ZBTB7C: variants seen among roughly 807,000 people sequenced by gnomAD.
The protein encoded by ZBTB7C is zinc finger and BTB domain-containing protein 7C.
A neutral mutation model predicts 25.7 loss-of-function variants in ZBTB7C; 8 were observed. The observed-to-expected ratio is 0.31, with a 90% CI of 0.18 to 0.56. The LOEUF (loss-of-function observed/expected upper bound fraction) is 0.56, where lower values mean the gene tolerates loss of function less well. ZBTB7C is among the 20% of genes least tolerant of loss of function. The probability of loss-of-function intolerance (pLI) is 0.91; values close to 1 mark genes in which losing one functional copy is unlikely to be tolerated. For missense variants in ZBTB7C, 824 were observed against 855.2 expected (o/e 0.96, Z 0.46); for synonymous variants, 394 against 369.0 (o/e 1.07, Z -0.78).
chr18:48,386,958 C>G (rs2047762580), intron 1 of ZBTB7C, among the ~76,000 whole-genome samples: 1 of 152,224 alleles, frequency 6.6e-6, no homozygotes, highest in Non-Finnish European at 1.5e-5. Context: ...TTTCTCACTC[C>G]ACGGTGCTAT....
intron 2 of ZBTB7C, among the ~76,000 whole-genome samples, chr18:48,327,106 C>A (rs546520712): frequency 6.6e-6 from 1 of 152,102 alleles, no homozygotes; most frequent in South Asian, 2.1e-4. Flanking sequence ...AGAGAAAGCC[C>A]GGTCTGCTGG....
Position 48,303,111 on chromosome 18 carries a change from C to G in ZBTB7C, c.-79+35063G>C, listed in dbSNP as rs574572686. Among the ~76,000 whole-genome samples, 4 of 152,342 alleles carry G rather than the reference C, an allele frequency of 2.6e-5. No homozygotes were observed. The South Asian group carries it at 8.3e-4, about 32-fold the overall frequency. On this transcript the variant is annotated intron_variant, in intron 2 of 4. Coordinates refer to ENST00000590800, the MANE Select transcript of ZBTB7C (RefSeq NM_001318841.2). Reference sequence around the variant, plus strand: ...ATGCAAGAAGACCAATTTGCACCTTCTGTGGAGGACACAGCTTGGAATTTC... The same window carrying G: ...ATGCAAGAAGACCAATTTGCACCTTGTGTGGAGGACACAGCTTGGAATTTC...
chr18:48,272,734 C>G (rs929593791), intron 2 of ZBTB7C, among the ~76,000 whole-genome samples: 3 of 151,970 alleles, frequency 2.0e-5, no homozygotes, highest in Admixed American at 2.0e-4. Flanking sequence ...TGATAATAAT[C>G]AAAAAGTGGA....
chr18:48,096,011 T>C (rs2038618180), intron 3 of ZBTB7C, among the ~76,000 whole-genome samples: 2 of 152,196 alleles, frequency 1.3e-5, no homozygotes, highest in Non-Finnish European at 2.9e-5. Flanking sequence ...AAAGCTGCCC[T>C]TTCTCCTGGA....
intron 1 of ZBTB7C, among the ~76,000 whole-genome samples, chr18:48,370,833 T>C (rs903157532): frequency 1.4e-4 from 21 of 152,214 alleles, no homozygotes; most frequent in Non-Finnish European, 2.9e-4. Flanking sequence ...CCTCATCCAG[T>C]CTCCTGTAAG....
intron 3 of ZBTB7C, among the ~76,000 whole-genome samples, chr18:48,090,730 G>T (rs2038380710): frequency 6.7e-6 from 1 of 148,388 alleles, no homozygotes; most frequent in African/African-American, 2.6e-5. Context: ...ATGGGATCCT[G>T]CTCCCCACTG....
chr18:48,406,205 G>A (rs2048277905), intron 1 of ZBTB7C, among the ~76,000 whole-genome samples: 1 of 152,102 alleles, frequency 6.6e-6, no homozygotes. Flanking sequence ...GCTATGAGAG[G>A]GAGGACAACT....
intron 3 of ZBTB7C, among the ~76,000 whole-genome samples, chr18:48,121,113 C>A (rs2039614559): frequency 6.6e-6 from 1 of 152,240 alleles, no homozygotes; most frequent in Non-Finnish European, 1.5e-5. Flanking sequence ...GAGCACTGTT[C>A]TTCCCAGGCT....
chr18:48,317,214 G>A (rs994119568), intron 2 of ZBTB7C, among the ~76,000 whole-genome samples: 42 of 140,770 alleles, frequency 3.0e-4, no homozygotes, highest in African/African-American at 1.0e-3. Context: ...CTGAGATTGC[G>A]CCACTGCAAT....
At chr18:48,388,311 T>C (rs546888538) in intron 1 of ZBTB7C, among the ~76,000 whole-genome samples, 1 of 151,116 alleles carries the variant, frequency 6.6e-6, no homozygotes, top group South Asian at 2.1e-4. Context: ...CGAATCTATC[T>C]TGCATTTTTT....
intron 1 of ZBTB7C, among the ~76,000 whole-genome samples, chr18:48,350,379 G>A (rs765226807): frequency 1.3e-5 from 2 of 152,180 alleles, no homozygotes; most frequent in Non-Finnish European, 2.9e-5. Context: ...TTCTTCCGTA[G>A]TTACGTCTCC....
intron 3 of ZBTB7C, among the ~76,000 whole-genome samples, chr18:48,077,588 A>G (rs2037820453): frequency 6.6e-6 from 1 of 152,218 alleles, no homozygotes; most frequent in South Asian, 2.1e-4. Context: ...GTGAAGTGAC[A>G]AAGTACAGTC....
chr18:48,088,519 G>A (rs140719935), intron 3 of ZBTB7C, among the ~76,000 whole-genome samples: 106 of 152,302 alleles, frequency 7.0e-4, no homozygotes, highest in Non-Finnish European at 1.3e-3. Context: ...CATTTTGGCT[G>A]GTTGGATACA....
rs2145143402 is a variant in ZBTB7C at position 48,188,118 on chromosome 18, G to A, written c.-78-2123C>T. 1.3e-5 allele frequency among the ~76,000 whole-genome samples: 2 copies of A among 152,332 alleles called. 1 individual carries two copies. The highest frequency in any genetic ancestry group is 4.1e-4 in the South Asian group (2 of 4,830). On this transcript the variant is annotated intron_variant, in intron 2 of 4. Transcript: ENST00000590800. ...TTCATTTTGGAAGTCAGAGTGGCCT[G>A]TGTCATTCACAAGCTTGGACAGGGA...
At chr18:48,187,439 T>A (rs199690671) in intron 2 of ZBTB7C, among the ~76,000 whole-genome samples, 33 of 152,114 alleles carry the variant, frequency 2.2e-4, no homozygotes, top group African/African-American at 8.0e-4. Context: ...TTATGCTAAG[T>A]GAAATAAGCC....
intron 3 of ZBTB7C, among the ~76,000 whole-genome samples, chr18:48,094,225 A>C (rs1028584212): frequency 4.6e-5 from 7 of 152,160 alleles, no homozygotes; most frequent in Non-Finnish European, 1.0e-4. Flanking sequence ...CTGGATAATG[A>C]TATCATCTGG....
chr18:48,392,695 GTGTCCTTACTAAGATTGC>G (rs927065825), intron 1 of ZBTB7C, among the ~76,000 whole-genome samples: 3 of 152,216 alleles, frequency 2.0e-5, no homozygotes, highest in African/African-American at 7.2e-5. Context: ...GGAAAGCACA[GTGTCCTTACTAAGATTGC>G]TCTGGGCAGC....
At chr18:48,250,823 T>C (rs1253029594) in intron 2 of ZBTB7C, among the ~76,000 whole-genome samples, 1 of 151,834 alleles carries the variant, frequency 6.6e-6, no homozygotes, top group Non-Finnish European at 1.5e-5. Flanking sequence ...TACTTAATCA[T>C]CCTGTTTTTC....
chr18:48,155,122 T>C (rs1180493695), intron 3 of ZBTB7C, among the ~76,000 whole-genome samples: 1 of 152,092 alleles, frequency 6.6e-6, no homozygotes, highest in Non-Finnish European at 1.5e-5. Context: ...GTGCATGAAA[T>C]AGGAGCAAAT....
Sources: allele counts gnomAD v4.1 joint callset (sites outside exome capture counted in the v4.1 genomes callset), GRCh38; gene constraint gnomAD v4.1.1; transcripts MANE v1.5; gene names NCBI Gene and HGNC (gene_info 2026-07-23, HGNC 2026-07-21).